KIRREL3: variants seen among roughly 807,000 people sequenced by gnomAD.
The protein encoded by KIRREL3 is kirre like nephrin family adhesion molecule 3.
A neutral mutation model predicts 89.7 loss-of-function variants in KIRREL3; 36 were observed. That is an observed-to-expected ratio of 0.40 (90% CI 0.31 to 0.53). KIRREL3 has a LOEUF of 0.53. KIRREL3 is among the 20% of genes least tolerant of loss of function. The pLI, the probability that KIRREL3 is intolerant of heterozygous loss-of-function variation, is 0.49. For missense variants in KIRREL3, 864 were observed against 1,056.6 expected (o/e 0.82, Z 2.53); for synonymous variants, 445 against 441.4 (o/e 1.01, Z -0.10).
chr11:126,482,856 C>T (rs1276271926), intron 4 of KIRREL3, among the ~76,000 whole-genome samples: 1 of 152,220 alleles, frequency 6.6e-6, no homozygotes, highest in Non-Finnish European at 1.5e-5. Flanking sequence ...CACATGTGAG[C>T]CCCATGTGGA....
intron 1 of KIRREL3, among the ~76,000 whole-genome samples, chr11:126,759,580 C>A (rs1372378641): frequency 1.3e-5 from 2 of 152,206 alleles, no homozygotes; most frequent in Non-Finnish European, 2.9e-5. Context: ...TTAGACAACA[C>A]GTAGCATCGT....
At chr11:126,631,681 A>G (rs1944031091) in intron 1 of KIRREL3, among the ~76,000 whole-genome samples, 1 of 152,218 alleles carries the variant, frequency 6.6e-6, no homozygotes, top group Admixed American at 6.5e-5. Context: ...TATTGACATA[A>G]TAACAATCCT....
chr11:126,587,539 A>G lies in KIRREL3; in HGVS notation c.56-24627T>C, dbSNP rs1305093468. 6.6e-6 allele frequency among the ~76,000 whole-genome samples: 1 copy of G among 152,174 alleles called. No individual in the cohort carries two copies. Among genetic ancestry groups the G allele is most frequent in the Non-Finnish European group, 1.5e-5 (1 of 68,034 alleles). ...TCTTCACTGTGCTCTCGACTCCCCC[A>G]GCCTTTCATTGTATGTGGAAGAGGA... is the stretch of plus-strand genomic sequence containing the variant. On this transcript the variant is annotated intron_variant, in intron 1 of 16. Coordinates refer to ENST00000525144, the MANE Select transcript of KIRREL3 (RefSeq NM_032531.4). The surrounding 1 kb of genome is among the most constrained non-coding windows in gnomAD (Gnocchi z 5.2).
chr11:126,514,425 T>C (rs917870783), intron 4 of KIRREL3, among the ~76,000 whole-genome samples: 1 of 152,178 alleles, frequency 6.6e-6, no homozygotes, highest in Non-Finnish European at 1.5e-5. Flanking sequence ...GAATCATATC[T>C]TCCTGCCTTG....
At chr11:126,792,610 A>G (rs1003990699) in intron 1 of KIRREL3, among the ~76,000 whole-genome samples, 15 of 152,238 alleles carry the variant, frequency 9.9e-5, no homozygotes, top group African/African-American at 3.6e-4. Context: ...AGCATTGTTT[A>G]TAACAGAGCC....
intron 1 of KIRREL3, among the ~76,000 whole-genome samples, chr11:126,832,899 G>A (rs1204771901): frequency 6.6e-6 from 1 of 152,094 alleles, no homozygotes; most frequent in African/African-American, 2.4e-5. Flanking sequence ...GGATTTGTTC[G>A]AGTAGACTTC....
rs600947 is a variant in KIRREL3 at position 126,977,798 on chromosome 11, A to T, written c.55+22657T>A. 0.12 allele frequency among the ~76,000 whole-genome samples: 18,939 copies of T among 152,266 alleles called. 1,376 individuals carry two copies. Among genetic ancestry groups the T allele is most frequent in the Middle Eastern group, 0.21 (62 of 294 alleles). ...TCAAGAACACTGTTTCAGCAGGACC[A>T]GCCTTCCAACCAGTGTCTGGAGAGC... On this transcript the variant is annotated intron_variant, in intron 1 of 16. Coordinates refer to ENST00000525144, the MANE Select transcript of KIRREL3 (RefSeq NM_032531.4). This position sits in a 1 kb window ranked among gnomAD's most constrained non-coding sequence, Gnocchi z 4.7.
Position 126,463,259 on chromosome 11 carries a change from T to C in KIRREL3, c.640A>G (p.Ile214Val), listed in dbSNP as rs1293434426. 6.2e-7 allele frequency: 1 copy of C among 1,613,570 alleles called. No homozygotes were observed. The highest frequency in any genetic ancestry group is 1.3e-5 in the African/African-American group (1 of 74,938). ...CCATTCTCCACGTCACCAGGGGAGATGAAGAGGGTGCTGACGATGCTCTCC... is the reference window on the plus strand; with the variant it reads ...CCATTCTCCACGTCACCAGGGGAGACGAAGAGGGTGCTGACGATGCTCTCC... ...KRESIVSTLF[I>V]SPGDVENGQS... is the part of the protein sequence containing the mutation. Residue 214 changes from isoleucine to valine, a missense_variant, in exon 6 of 17, where the codon ATC becomes GTC. Ile to Val is a conservative substitution (Grantham distance 29, BLOSUM62 3). Coordinates refer to ENST00000525144, the MANE Select transcript of KIRREL3 (RefSeq NM_032531.4). This position sits in a 1 kb window ranked among gnomAD's most constrained non-coding sequence, Gnocchi z 5.9.
chr11:126,865,086 C>T lies in KIRREL3; in HGVS notation c.55+135369G>A, dbSNP rs552002778. On this transcript the variant is annotated intron_variant, in intron 1 of 16. Coordinates refer to ENST00000525144, the MANE Select transcript of KIRREL3 (RefSeq NM_032531.4). ...TGTGACTTGCCTCCAGGAATCAAGG[C>T]GCCTCCAGCTTGGACCAGTTTCCTG... Among the ~76,000 whole-genome samples the T allele has an allele frequency of 4.6e-5, 7 of 152,296 alleles. No homozygotes were observed. The South Asian group carries it at 6.2e-4, about 14-fold the overall frequency.
Position 126,715,606 on chromosome 11 carries a change from C to T in KIRREL3, c.56-152694G>A, listed in dbSNP as rs942341288. Among the ~76,000 whole-genome samples, 3 of 152,020 alleles carry T rather than the reference C, an allele frequency of 2.0e-5. No homozygotes were observed. Among genetic ancestry groups the T allele is most frequent in the African/African-American group, 7.3e-5 (3 of 41,378 alleles). On this transcript the variant is annotated intron_variant, in intron 1 of 16. Coordinates refer to ENST00000525144, the MANE Select transcript of KIRREL3 (RefSeq NM_032531.4). This position sits in a 1 kb window ranked among gnomAD's most constrained non-coding sequence, Gnocchi z 4.4. ...GTTTGGGAATATAGGAGAACGTGGA[C>T]CATTTTGCAAATCAAAAACAAGAGG...
At chr11:126,923,605 A>G (rs939713057) in intron 1 of KIRREL3, among the ~76,000 whole-genome samples, 8 of 151,736 alleles carry the variant, frequency 5.3e-5, no homozygotes, top group Non-Finnish European at 8.8e-5. Context: ...CACCACGCTC[A>G]GCTAATTTTT....
intron 1 of KIRREL3, among the ~76,000 whole-genome samples, chr11:126,972,051 A>G (rs1204011609): frequency 6.6e-6 from 1 of 152,186 alleles, no homozygotes; most frequent in Non-Finnish European, 1.5e-5. Flanking sequence ...GAAAGTTGAA[A>G]TCTCCGGATG....
In KIRREL3 at chr11:126,953,492, A is replaced by C. The variant is rs1373543194; in HGVS notation, c.55+46963T>G. On this transcript the variant is annotated intron_variant, in intron 1 of 16. Coordinates refer to ENST00000525144, the MANE Select transcript of KIRREL3 (RefSeq NM_032531.4). This position sits in a 1 kb window ranked among gnomAD's most constrained non-coding sequence, Gnocchi z 5.2. ...ACTTAAAGTATATATATAAAAAAGA[A>C]TAACTAGAGTTTTGTTCATCTTTTC... 6.6e-6 allele frequency among the ~76,000 whole-genome samples: 1 copy of C among 152,166 alleles called. No homozygotes were observed. The highest frequency in any genetic ancestry group is 1.9e-4 in the East Asian group (1 of 5,192).
chr11:126,435,181 C>T, intron 13 of KIRREL3, 87 bp downstream of exon 13: 1 of 1,409,246 alleles, frequency 7.1e-7, no homozygotes, highest in Non-Finnish European at 1.0e-6. Flanking sequence ...GCACAGGCCT[C>T]CCTACCCCCT....
intron 1 of KIRREL3, among the ~76,000 whole-genome samples, chr11:126,962,728 C>A (rs1949130352): frequency 6.6e-6 from 1 of 152,128 alleles, no homozygotes; most frequent in African/African-American, 2.4e-5. Context: ...ATAGAGAAAT[C>A]TTTCATGAAA....
At chr11:126,889,261 CT>C (rs1283562203) in intron 1 of KIRREL3, among the ~76,000 whole-genome samples, 2 of 150,832 alleles carry the variant, frequency 1.3e-5, no homozygotes, top group Non-Finnish European at 2.9e-5. Flanking sequence ...CAGGGATCTG[CT>C]TTTTGTCTTG....
chr11:126,813,311 A>G (rs1159828694), intron 1 of KIRREL3, among the ~76,000 whole-genome samples: 1 of 152,194 alleles, frequency 6.6e-6, no homozygotes, highest in East Asian at 1.9e-4. Context: ...CATTAAAAAC[A>G]TGTTCACTAG....
At chr11:126,810,038 G>A (rs936098501) in intron 1 of KIRREL3, among the ~76,000 whole-genome samples, 2 of 152,110 alleles carry the variant, frequency 1.3e-5, no homozygotes, top group Non-Finnish European at 2.9e-5. Context: ...CTTAATGATG[G>A]CCCAATTTGG....
intron 1 of KIRREL3, among the ~76,000 whole-genome samples, chr11:126,707,158 C>T (rs921483395): frequency 1.8e-4 from 27 of 150,816 alleles, no homozygotes; most frequent in Admixed American, 4.0e-4. Flanking sequence ...CTTGCCCAGG[C>T]TGGTCTTGAA....
Sources: allele counts gnomAD v4.1 joint callset (sites outside exome capture counted in the v4.1 genomes callset), GRCh38; gene constraint gnomAD v4.1.1; non-coding constraint Gnocchi (gnomAD v3.1); transcripts MANE v1.5; gene names NCBI Gene and HGNC (gene_info 2026-07-23, HGNC 2026-07-21).